NEDD4L: variants seen among roughly 807,000 people sequenced by gnomAD.
The protein encoded by NEDD4L is NEDD4 like E3 ubiquitin protein ligase.
NEDD4L carries 54 observed loss-of-function variants against 148.9 expected under a neutral mutation model. The observed-to-expected ratio is 0.36, with a 90% CI of 0.29 to 0.45. The LOEUF (loss-of-function observed/expected upper bound fraction) is 0.45, where lower values mean the gene tolerates loss of function less well. Among genes scored for constraint, NEDD4L ranks in the 20% least tolerant of loss-of-function variants. The probability of loss-of-function intolerance (pLI) is 1.00; values close to 1 mark genes in which losing one functional copy is unlikely to be tolerated. For missense variants in NEDD4L, 856 were observed against 1,233.8 expected (o/e 0.69, Z 4.59); for synonymous variants, 433 against 440.7 (o/e 0.98, Z 0.22).
At position 58,044,400 on chromosome 18, in the gene NEDD4L, GC is replaced by G. The variant is rs1336287420; in HGVS notation, c.-260del. 5 of 246,244 alleles carry G rather than the reference GC, an allele frequency of 2.0e-5. No homozygotes were observed. Among genetic ancestry groups the G allele is most frequent in the Admixed American group, 1.1e-4 (2 of 17,610 alleles). 15.3% of individuals were successfully genotyped at this position (246,244 alleles called of 1,614,324 possible). On this transcript the variant is annotated 5_prime_UTR_variant, in exon 1 of 31. Coordinates refer to ENST00000400345, the MANE Select transcript of NEDD4L (RefSeq NM_001144967.3). ...GCCGCGCGCAGTGAGAGGCGCCGGGGCTGCCGCCCGGTGCTCGGCGCGCTCT... is the reference window on the plus strand; with the variant it reads ...GCCGCGCGCAGTGAGAGGCGCCGGGGTGCCGCCCGGTGCTCGGCGCGCTCT...
In NEDD4L at chr18:58,256,565, C is replaced by T. The variant is rs2048601939; in HGVS notation, c.297+4511C>T. 2 of 1,232,314 alleles carry T rather than the reference C, an allele frequency of 1.6e-6. No homozygotes were observed. The highest frequency in any genetic ancestry group is 2.0e-6 in the Non-Finnish European group (2 of 988,102). 76.3% of individuals were successfully genotyped at this position (1,232,314 alleles called of 1,614,324 possible). A position where few individuals can be genotyped will look rare whatever the true frequency, so the allele number is the denominator to read the frequency against. ...TCGGGGAGCCCTGGAGGCATCGCCT[C>T]GAGCTGGCAGGATGGCTCCTGAAAT... On this transcript the variant is annotated intron_variant, in intron 5 of 30. Coordinates refer to ENST00000400345, the MANE Select transcript of NEDD4L (RefSeq NM_001144967.3). The surrounding 1 kb of genome is among the most constrained non-coding windows in gnomAD (Gnocchi z 5.2).
intron 30 of NEDD4L, among the ~76,000 whole-genome samples, chr18:58,393,574 C>G (rs150975619): frequency 6.6e-6 from 1 of 152,142 alleles, no homozygotes; most frequent in Non-Finnish European, 1.5e-5. Flanking sequence ...TAACTTGACC[C>G]GGATGGAGAG....
intron 11 of NEDD4L, among the ~76,000 whole-genome samples, chr18:58,331,206 T>C (rs2144716312): frequency 6.6e-6 from 1 of 152,322 alleles, no homozygotes; most frequent in Non-Finnish European, 1.5e-5. Context: ...TCTGTAATTA[T>C]TAGCTTTAAC....
chr18:58,164,034 C>G (rs965865063), intron 1 of NEDD4L, among the ~76,000 whole-genome samples: 3 of 148,556 alleles, frequency 2.0e-5, no homozygotes, highest in Non-Finnish European at 4.5e-5. Flanking sequence ...CCATCCTGAG[C>G]CTTTTTTTTT....
intron 5 of NEDD4L, among the ~76,000 whole-genome samples, chr18:58,275,651 G>T (rs1048899293): frequency 6.6e-6 from 1 of 152,168 alleles, no homozygotes; most frequent in Admixed American, 6.5e-5. Flanking sequence ...CCCCTGCCAT[G>T]CCCTGACTCA....
At chr18:58,337,570 A>ATTTTAT (rs2041931662) in intron 13 of NEDD4L, among the ~76,000 whole-genome samples, 1 of 151,482 alleles carries the variant, frequency 6.6e-6, no homozygotes, top group Admixed American at 6.6e-5. Flanking sequence ...GTGCCACTTT[A>ATTTTAT]TTTTATTTTT....
rs546149139 is a variant in NEDD4L, at chr18:58,348,380, G to A, written c.1576-1157G>A. ...GGAGTCTCACTCTGTTGCCCAGCCT[G>A]GAGTTCAGTGGCACAATCTCGGCTC... On this transcript the variant is annotated intron_variant, in intron 16 of 30. Coordinates refer to ENST00000400345, the MANE Select transcript of NEDD4L (RefSeq NM_001144967.3). Among the ~76,000 whole-genome samples, 5 of 121,262 alleles carry A rather than the reference G, an allele frequency of 4.1e-5. No individual in the cohort carries two copies. In the East Asian group the frequency reaches 1.2e-3, roughly 29 times the overall value. The allele number at this position is 121,262 out of a possible 152,430, so 79.6% of individuals were successfully genotyped here.
At chr18:58,195,759 C>CCTTTATTA in intron 2 of NEDD4L, 2 of 1,305,786 alleles carry the variant, frequency 1.5e-6, no homozygotes, top group South Asian at 2.3e-5. Flanking sequence ...GGTTCCGTTC[C>CCTTTATTA]CTTTATTACT....
intron 5 of NEDD4L, among the ~76,000 whole-genome samples, chr18:58,253,663 G>T (rs781515914): frequency 1.3e-4 from 20 of 152,098 alleles, no homozygotes; most frequent in African/African-American, 1.9e-4. Flanking sequence ...AATATCTCTT[G>T]TTTAACATGA....
At position 58,330,763 on chromosome 18, in the gene NEDD4L, T is replaced by G; in HGVS notation, c.839T>G (p.Val280Gly). The change falls in exon 11 of 31, where the codon GTG (valine) becomes GGG (glycine). Residue 280 changes from valine to glycine, a missense_variant. Val to Gly is a moderately radical substitution (Grantham distance 109). Transcript: ENST00000400345. ...CCTTGGGAGACCATTTCAGAGGAAG[T>G]GAATATCGCTGGAGACTCTCTCGGT... Reference protein sequence around the residue: ...PEPWETISEEVNIAGDSLGLA... With the variant: ...PEPWETISEEGNIAGDSLGLA... 1.2e-6 allele frequency: 2 copies of G among 1,604,878 alleles called. No homozygotes were observed. Among genetic ancestry groups the G allele is most frequent in the Admixed American group, 3.4e-5 (2 of 59,066 alleles).
At chr18:58,095,093 C>G (rs538985569) in intron 1 of NEDD4L, among the ~76,000 whole-genome samples, 1 of 152,162 alleles carries the variant, frequency 6.6e-6, no homozygotes, top group Non-Finnish European at 1.5e-5. Context: ...AGATGTTTCA[C>G]AAGTTAAGAT....
intron 1 of NEDD4L, 24 bp from the exon 2 acceptor site, chr18:58,165,764 C>CT (rs1390896867): frequency 6.2e-6 from 10 of 1,600,138 alleles, no homozygotes; most frequent in Admixed American, 5.1e-5. Context: ...TTTTTAACCT[C>CT]TTTTTTTGTT....
chr18:58,137,784 G>A lies in NEDD4L; in HGVS notation c.49-28004G>A, dbSNP rs115215397. ...ATACTGTTGGTCAGCTCCGTTTTCC[G>A]TGTTGACCTCTGATACTCTGTAAAC... is the stretch of plus-strand genomic sequence containing the variant. On this transcript the variant is annotated intron_variant, in intron 1 of 30. Transcript: ENST00000400345. 3.9e-3 allele frequency among the ~76,000 whole-genome samples: 597 copies of A among 152,208 alleles called. 6 individuals carry two copies. Among genetic ancestry groups the A allele is most frequent in the African/African-American group, 0.013 (537 of 41,522 alleles).
chr18:58,142,669 T>C (rs1599066809), intron 1 of NEDD4L, among the ~76,000 whole-genome samples: 1 of 152,310 alleles, frequency 6.6e-6, no homozygotes, highest in African/African-American at 2.4e-5. Context: ...CTGAATGACC[T>C]GTATGTGTTC....
At chr18:58,292,689 C>T (rs1347480962) in intron 5 of NEDD4L, among the ~76,000 whole-genome samples, 1 of 152,224 alleles carries the variant, frequency 6.6e-6, no homozygotes, top group Non-Finnish European at 1.5e-5. Flanking sequence ...TTCTCATCCC[C>T]TTATGTTCTA....
chr18:58,101,540 C>T (rs1388717517), intron 1 of NEDD4L, among the ~76,000 whole-genome samples: 2 of 152,176 alleles, frequency 1.3e-5, no homozygotes, highest in African/African-American at 2.4e-5. Context: ...CGGTTCCGTC[C>T]GTGTCGAGTG....
chr18:58,137,868 T>C (rs1314973298), intron 1 of NEDD4L, among the ~76,000 whole-genome samples: 1 of 152,208 alleles, frequency 6.6e-6, no homozygotes, highest in Admixed American at 6.5e-5. Flanking sequence ...TGCCCAGCTT[T>C]GTCTTTTTCT....
At chr18:58,186,347 T>C (rs926723354) in intron 2 of NEDD4L, among the ~76,000 whole-genome samples, 20 of 152,244 alleles carry the variant, frequency 1.3e-4, no homozygotes, top group Non-Finnish European at 2.9e-4. Flanking sequence ...CCTGCAGAGC[T>C]TACGGCCTGT....
At chr18:58,100,631 A>C (rs1349205339) in intron 1 of NEDD4L, among the ~76,000 whole-genome samples, 3 of 152,200 alleles carry the variant, frequency 2.0e-5, no homozygotes, top group African/African-American at 7.2e-5. Context: ...TGACTTGTTC[A>C]TAAACCAGGC....
Sources: allele counts gnomAD v4.1 joint callset (sites outside exome capture counted in the v4.1 genomes callset), GRCh38; gene constraint gnomAD v4.1.1; non-coding constraint Gnocchi (gnomAD v3.1); transcripts MANE v1.5; gene names NCBI Gene and HGNC (gene_info 2026-07-23, HGNC 2026-07-21).